The following CCDC148 variants were observed in gnomAD, a reference collection of about 807,000 sequenced individuals.
The protein encoded by CCDC148 is coiled-coil domain containing 148.
In CCDC148, 89 loss-of-function variants were observed where a neutral mutation model predicts 85.7. The observed-to-expected ratio is 1.04, with a 90% CI of 0.87 to 1.24. The LOEUF (loss-of-function observed/expected upper bound fraction) is 1.24. CCDC148 is among the 50% of genes most tolerant of loss of function. The probability of loss-of-function intolerance (pLI) is 0.00; values close to 1 mark genes in which losing one functional copy is unlikely to be tolerated. For missense variants in CCDC148, 692 were observed against 671.7 expected (o/e 1.03, Z -0.33); for synonymous variants, 230 against 213.9 (o/e 1.08, Z -0.66).
chr2:158,247,647 C>T (rs868703761), intron 10 of CCDC148, among the ~76,000 whole-genome samples: 12 of 151,908 alleles, frequency 7.9e-5, no homozygotes, highest in Admixed American at 2.0e-4. Flanking sequence ...ATCTGAGGTC[C>T]GGAGTTTGAG....
At chr2:158,290,906 T>C (rs1690860699) in intron 9 of CCDC148, among the ~76,000 whole-genome samples, 1 of 152,114 alleles carries the variant, frequency 6.6e-6, no homozygotes, top group South Asian at 2.1e-4. Flanking sequence ...TCTTTGGCTC[T>C]TTCTTCTCCC....
chr2:158,419,141 A>G (rs573021925), intron 1 of CCDC148, among the ~76,000 whole-genome samples: 3 of 152,304 alleles, frequency 2.0e-5, no homozygotes, highest in South Asian at 2.1e-4. Context: ...GTTCTAACTA[A>G]TTGAGTTCAC....
chr2:158,439,256 GA>G (rs1422558560), intron 1 of CCDC148, among the ~76,000 whole-genome samples: 1 of 152,152 alleles, frequency 6.6e-6, no homozygotes, highest in African/African-American at 2.4e-5. Context: ...ACTGGATTAA[GA>G]AAATGTGGCA....
intron 2 of CCDC148, among the ~76,000 whole-genome samples, chr2:158,347,762 T>A (rs553384137): frequency 6.6e-6 from 1 of 152,258 alleles, no homozygotes; most frequent in South Asian, 2.1e-4. Flanking sequence ...AAGATCCATC[T>A]TTTGAGACAG....
At chr2:158,438,011 G>C (rs1687745520) in intron 1 of CCDC148, among the ~76,000 whole-genome samples, 1 of 152,132 alleles carries the variant, frequency 6.6e-6, no homozygotes, top group African/African-American at 2.4e-5. Flanking sequence ...CATGCCCATG[G>C]GTAGGAAGAA....
At position 158,362,389 on chromosome 2, in the gene CCDC148, G is replaced by A. The variant is rs539590026; in HGVS notation, c.26-3819C>T. On this transcript the variant is annotated intron_variant, in intron 1 of 13. Transcript: ENST00000283233. ...TATACATTCTTCTCAGCACCACATC[G>A]CACTTACTTTAAAATTGACCACAAA... is the stretch of plus-strand genomic sequence containing the variant. Among the ~76,000 whole-genome samples the A allele has an allele frequency of 3.3e-5, 5 of 152,126 alleles. No individual in the cohort carries two copies. In the East Asian group the frequency reaches 5.8e-4, roughly 18 times the overall value.
chr2:158,180,715 G>A (rs1010279), intron 11 of CCDC148, among the ~76,000 whole-genome samples: 17,130 of 152,076 alleles, frequency 0.11, 1,152 homozygotes, highest in East Asian at 0.21. Context: ...CCCTTAGGAA[G>A]ACATGCTCCT....
chr2:158,239,842 C>T (rs975671417), intron 10 of CCDC148, among the ~76,000 whole-genome samples: 2 of 152,034 alleles, frequency 1.3e-5, no homozygotes, highest in African/African-American at 4.8e-5. Flanking sequence ...ATGCTATCGT[C>T]TCCTTTTGAC....
chr2:158,262,420 A>C (rs1689269773), intron 9 of CCDC148, among the ~76,000 whole-genome samples: 1 of 151,956 alleles, frequency 6.6e-6, no homozygotes, highest in South Asian at 2.1e-4. Flanking sequence ...TTGGCTTAAT[A>C]CCTGGGTGAT....
At position 158,274,933 on chromosome 2, in the gene CCDC148, C is replaced by G. The variant is rs183594223; in HGVS notation, c.1111-24021G>C. On this transcript the variant is annotated intron_variant, in intron 9 of 13. Coordinates refer to ENST00000283233, the MANE Select transcript of CCDC148 (RefSeq NM_138803.4). ...CTCAGAAGCAAAGATAAAAGGATTT[C>G]AAGATGAAAGGAGCAAGTCAACAGA... is the stretch of plus-strand genomic sequence containing the variant. 5.9e-5 allele frequency among the ~76,000 whole-genome samples: 9 copies of G among 152,288 alleles called. No individual in the cohort carries two copies. In the East Asian group the frequency reaches 1.5e-3, roughly 26 times the overall value.
chr2:158,443,515 A>AAGAAAGGAAAAG (rs1553524473), intron 1 of CCDC148, among the ~76,000 whole-genome samples: 1 of 100,896 alleles, frequency 9.9e-6, no homozygotes, highest in Non-Finnish European at 2.0e-5. Flanking sequence ...AAAAAAAAAA[A>AAGAAAGGAAAAG]AAAAAAAAGA....
intron 1 of CCDC148, among the ~76,000 whole-genome samples, chr2:158,418,217 GT>G (rs1686595776): frequency 6.6e-6 from 1 of 151,672 alleles, no homozygotes; most frequent in East Asian, 1.9e-4. Context: ...ACTTTTCTGG[GT>G]TCAAATTGCC....
intron 1 of CCDC148, among the ~76,000 whole-genome samples, chr2:158,369,268 T>C (rs931767091): frequency 1.2e-4 from 18 of 152,176 alleles, no homozygotes; most frequent in Non-Finnish European, 2.9e-5. Context: ...TTGGGCAGTA[T>C]GGCCATTTTC....
chr2:158,277,674 G>A (rs923003703), intron 9 of CCDC148, among the ~76,000 whole-genome samples: 4 of 151,720 alleles, frequency 2.6e-5, no homozygotes, highest in African/African-American at 7.3e-5. Context: ...TCGCCTCACT[G>A]TAAGCTCCAC....
At chr2:158,263,095 G>A (rs1037390536) in intron 9 of CCDC148, among the ~76,000 whole-genome samples, 3 of 151,954 alleles carry the variant, frequency 2.0e-5, no homozygotes, top group Admixed American at 2.0e-4. Flanking sequence ...AAGGAGGCAA[G>A]CTAAAGTCAT....
intron 1 of CCDC148, among the ~76,000 whole-genome samples, chr2:158,436,045 AC>A (rs1687635974): frequency 1.3e-5 from 2 of 152,206 alleles, no homozygotes; most frequent in Non-Finnish European, 2.9e-5. Flanking sequence ...TTAACACCCC[AC>A]TGTCAACATC....
At chr2:158,303,414 A>C (rs1691539396) in intron 9 of CCDC148, among the ~76,000 whole-genome samples, 1 of 152,186 alleles carries the variant, frequency 6.6e-6, no homozygotes, top group East Asian at 1.9e-4. Context: ...TAGGCAAGTC[A>C]CTTCATCTTT....
chr2:158,227,987 T>A (rs537481952), intron 10 of CCDC148, among the ~76,000 whole-genome samples: 1 of 152,190 alleles, frequency 6.6e-6, no homozygotes, highest in African/African-American at 2.4e-5. Flanking sequence ...AGCTTCTGCA[T>A]AGCAAAAGAA....
At chr2:158,313,546 C>T (rs139156158) in intron 8 of CCDC148, among the ~76,000 whole-genome samples, 5 of 152,272 alleles carry the variant, frequency 3.3e-5, no homozygotes, top group South Asian at 2.1e-4. Flanking sequence ...GACTTCTGCC[C>T]GAGGGGGCCC....
Sources: gnomAD v4.1 joint callset for allele counts (sites outside exome capture counted in the v4.1 genomes callset) on GRCh38, gnomAD v4.1.1 for gene constraint, MANE v1.5 for transcripts, NCBI Gene and HGNC (gene_info 2026-07-23, HGNC 2026-07-21) for gene names.